The following CTNNAL1 variants were observed in gnomAD, a reference collection of about 807,000 sequenced individuals.
CTNNAL1 encodes alpha-catulin.
CTNNAL1 carries 69 observed loss-of-function variants against 93.6 expected under a neutral mutation model. The ratio of observed to expected loss-of-function variants is 0.74; its 90% CI spans 0.61 to 0.90. CTNNAL1 has a LOEUF of 0.90. Ranked by LOEUF, CTNNAL1 falls within the 40% of genes least tolerant of loss-of-function variation. CTNNAL1 has a pLI of 0.00. For synonymous variants in CTNNAL1, 286 were observed against 305.4 expected (o/e 0.94, Z 0.66); for missense variants, 836 against 862.0 (o/e 0.97, Z 0.38).
At chr9:108,972,444 A>C (rs1831140535) in intron 9 of CTNNAL1, among the ~76,000 whole-genome samples, 2 of 152,208 alleles carry the variant, frequency 1.3e-5, no homozygotes, top group Non-Finnish European at 2.9e-5. Context: ...TGAGAGGATA[A>C]GGAAAAGAAG....
At chr9:108,978,932 G>T (rs555598528) in intron 7 of CTNNAL1, among the ~76,000 whole-genome samples, 1 of 152,184 alleles carries the variant, frequency 6.6e-6, no homozygotes, top group African/African-American at 2.4e-5. Context: ...CTAGGAGGGG[G>T]TCTACTCCTC....
rs546977777 is a variant in CTNNAL1, at chr9:108,942,711, T to C, written c.*58A>G. The stretch of plus-strand genomic sequence containing the variant: ...TCTGAAAAGATAAAGGATCATTTGA[T>C]TTTTAAAAATGTCAGCTTCATCACA... On this transcript the variant is annotated 3_prime_UTR_variant, in exon 19 of 19. Coordinates refer to ENST00000325551, the MANE Select transcript of CTNNAL1 (RefSeq NM_003798.4). 2.7e-6 allele frequency: 3 copies of C among 1,114,642 alleles called. No homozygotes were observed. Among genetic ancestry groups the C allele is most frequent in the Admixed American group, 2.1e-5 (1 of 47,756 alleles). The allele number at this position is 1,114,642 out of a possible 1,614,324, so 69.0% of individuals were successfully genotyped here.
intron 15 of CTNNAL1, 149 bp from the exon 16 acceptor site, chr9:108,944,167 C>T (rs1830330540): frequency 5.6e-6 from 4 of 716,808 alleles, no homozygotes; most frequent in Non-Finnish European, 9.0e-6. Context: ...TTTTCCAGTA[C>T]CAGGAATGCA....
At chr9:108,993,542 C>T (rs947622676) in intron 2 of CTNNAL1, among the ~76,000 whole-genome samples, 1 of 152,124 alleles carries the variant, frequency 6.6e-6, no homozygotes, top group African/African-American at 2.4e-5. Flanking sequence ...CAGCATAAAC[C>T]ATTCTATTAA....
intron 14 of CTNNAL1, among the ~76,000 whole-genome samples, chr9:108,951,259 C>G (rs1312364999): frequency 1.3e-5 from 2 of 151,874 alleles, no homozygotes; most frequent in Admixed American, 1.3e-4. Context: ...TCGTGATCCG[C>G]CCACCTCGGC....
At chr9:108,970,041 G>C (rs1353382321) in intron 10 of CTNNAL1, among the ~76,000 whole-genome samples, 9 of 152,106 alleles carry the variant, frequency 5.9e-5, no homozygotes, top group Non-Finnish European at 1.2e-4. Flanking sequence ...CTAATTATTA[G>C]CATGAAATGT....
At position 109,011,948 on chromosome 9, in the gene CTNNAL1, A is replaced by T. The variant is rs566585980; in HGVS notation, c.141+1354T>A. On this transcript the variant is annotated intron_variant, in intron 1 of 18. Coordinates refer to ENST00000325551, the MANE Select transcript of CTNNAL1 (RefSeq NM_003798.4). Reference sequence around the variant, plus strand: ...CTCTCTTATCTCTCTGCCTCTTAAAACTGCTCCAGTGTTTCTCGTTTTGGT... The same window carrying T: ...CTCTCTTATCTCTCTGCCTCTTAAATCTGCTCCAGTGTTTCTCGTTTTGGT... 6.6e-5 allele frequency among the ~76,000 whole-genome samples: 10 copies of T among 152,322 alleles called. No homozygotes were observed. The Middle Eastern group carries it at 0.01, about 155-fold the overall frequency.
intron 7 of CTNNAL1, 138 bp from the exon 8 acceptor site, chr9:108,977,186 T>C: frequency 2.4e-6 from 1 of 419,396 alleles, no homozygotes; most frequent in Admixed American, 4.4e-5. Flanking sequence ...AAAATTTACC[T>C]GTTTAAGTTA....
intron 9 of CTNNAL1, among the ~76,000 whole-genome samples, chr9:108,971,641 C>T (rs1831120316): frequency 6.6e-6 from 1 of 152,156 alleles, no homozygotes; most frequent in African/African-American, 2.4e-5. Context: ...TTGCCTTCTG[C>T]TTTCATTATG....
intron 2 of CTNNAL1, among the ~76,000 whole-genome samples, chr9:108,993,258 GCCTTGGGTTTTCAC>G (rs1831883943): frequency 6.6e-6 from 1 of 152,178 alleles, no homozygotes; most frequent in Admixed American, 6.5e-5. Flanking sequence ...AAGCTGAACG[GCCTTGGGTTTTCAC>G]CCTTGGGTTT....
At position 108,979,445 on chromosome 9, in the gene CTNNAL1, G is replaced by A. The variant is rs377379338; in HGVS notation, c.937C>T (p.Gln313Ter). The A allele has an allele frequency of 1.2e-6, 2 of 1,614,096 alleles. No homozygotes were observed. The highest frequency in any genetic ancestry group is 1.6e-4 in the Middle Eastern group (1 of 6,062). The change falls in exon 7 of 19, where the codon CAG (glutamine) becomes TAG (stop). Residue 313 changes from glutamine to a stop codon, truncating the protein, a stop_gained. Transcript: ENST00000325551. LOFTEE classifies it high-confidence loss of function. Reference protein sequence around the residue: ...IEALRENLYFQSKENLSVTLE... With the variant: ...IEALRENLYF ...GTCACAGAAAGGTTCTCTTTGGACTGAAAATAAAGATTCTCCCGAAGAGCT... is the reference window on the plus strand; with the variant it reads ...GTCACAGAAAGGTTCTCTTTGGACTAAAAATAAAGATTCTCCCGAAGAGCT...
intron 4 of CTNNAL1, among the ~76,000 whole-genome samples, chr9:108,990,138 C>T (rs963327967): frequency 2.0e-5 from 3 of 152,132 alleles, no homozygotes; most frequent in South Asian, 2.1e-4. Flanking sequence ...TAACTGAGTT[C>T]GATCTGCTAG....
intron 11 of CTNNAL1, 60 bp from the exon 12 acceptor site, chr9:108,955,887 ATAGT>A: frequency 9.3e-7 from 1 of 1,077,760 alleles, no homozygotes; most frequent in Non-Finnish European, 1.3e-6. Flanking sequence ...TCTATTATTC[ATAGT>A]TAACTTTTAA....
At chr9:108,979,539 A>C (rs878876459) in intron 6 of CTNNAL1, 58 bp from the exon 7 acceptor site, 1 of 1,513,026 alleles carries the variant, frequency 6.6e-7, no homozygotes. Context: ...ACCTGACCAA[A>C]ATGGGCTGTA....
intron 15 of CTNNAL1, among the ~76,000 whole-genome samples, chr9:108,944,988 G>T (rs1830359250): frequency 6.6e-6 from 1 of 152,140 alleles, no homozygotes; most frequent in South Asian, 2.1e-4. Flanking sequence ...TTCCCCAAGT[G>T]TTCCTTATCA....
intron 6 of CTNNAL1, among the ~76,000 whole-genome samples, chr9:108,982,896 G>A (rs1831478779): frequency 6.6e-6 from 1 of 152,092 alleles, no homozygotes; most frequent in Non-Finnish European, 1.5e-5. Context: ...TGGCCAACAT[G>A]GTGAAACCCC....
intron 1 of CTNNAL1, among the ~76,000 whole-genome samples, chr9:109,010,464 G>A (rs1230179271): frequency 6.6e-6 from 1 of 152,108 alleles, no homozygotes; most frequent in South Asian, 2.1e-4. Context: ...TCTGGTTTCT[G>A]GCTTTAAAGG....
chr9:108,982,903 C>A (rs28361130), intron 6 of CTNNAL1, among the ~76,000 whole-genome samples: 1 of 152,012 alleles, frequency 6.6e-6, no homozygotes, highest in Non-Finnish European at 1.5e-5. Flanking sequence ...CATGGTGAAA[C>A]CCCGTCTCTA....
In CTNNAL1 at chr9:108,985,883, C is replaced by T. The variant is rs560876652; in HGVS notation, c.640-1447G>A. ...GCGACAGAAAAAGATGGCATCTCAACCTGGAAAGGGCTGGTCCACAGGACA... is the reference window on the plus strand; with the variant it reads ...GCGACAGAAAAAGATGGCATCTCAATCTGGAAAGGGCTGGTCCACAGGACA... On this transcript the variant is annotated intron_variant, in intron 4 of 18. Transcript: ENST00000325551. 6.6e-5 allele frequency among the ~76,000 whole-genome samples: 10 copies of T among 152,232 alleles called. No homozygotes were observed. The East Asian group carries it at 1.9e-3, about 29-fold the overall frequency.
Sources: allele counts gnomAD v4.1 joint callset (sites outside exome capture counted in the v4.1 genomes callset), GRCh38; gene constraint gnomAD v4.1.1; transcripts MANE v1.5; gene names NCBI Gene and HGNC (gene_info 2026-07-23, HGNC 2026-07-21).